TRIQK: variants seen among roughly 807,000 people sequenced by gnomAD.
TRIQK encodes the protein triple QxxK/R motif-containing protein.
TRIQK carries 10 observed loss-of-function variants against 10.8 expected under a neutral mutation model. That is an observed-to-expected ratio of 0.92 (90% confidence interval 0.57 to 1.57). The LOEUF (loss-of-function observed/expected upper bound fraction) is 1.57. Among genes scored for constraint, TRIQK ranks in the 40% most tolerant of loss-of-function variants. TRIQK has a pLI of 0.00. For synonymous variants in TRIQK, 33 were observed against 33.7 expected (o/e 0.98, Z 0.07); for missense variants, 107 against 97.7 (o/e 1.09, Z -0.40).
upstream of TRIQK, among the ~76,000 whole-genome samples, chr8:92,969,330 G>T (rs1385617070): frequency 6.6e-6 from 1 of 152,028 alleles, no homozygotes; most frequent in Non-Finnish European, 1.5e-5. Flanking sequence ...GTATTTGAGA[G>T]TTGTCTAATA....
At chr8:92,922,523 C>T in intron 2 of TRIQK, 1 of 151,764 alleles carries the variant, frequency 6.6e-6, no homozygotes, top group South Asian at 2.1e-4. Flanking sequence ...TTATGCTTCC[C>T]CCAATTCCTT....
chr8:92,927,119 T>C (rs1471275292), intron 2 of TRIQK, among the ~76,000 whole-genome samples: 1 of 152,076 alleles, frequency 6.6e-6, no homozygotes, highest in African/African-American at 2.4e-5. Context: ...AAAAAAATTG[T>C]AACCTATTAC....
chr8:93,016,442 C>T (rs757563837), intron 1 of TRIQK, among the ~76,000 whole-genome samples: 3 of 152,152 alleles, frequency 2.0e-5, no homozygotes, highest in Non-Finnish European at 4.4e-5. Flanking sequence ...GTTTTCTAAT[C>T]TAGTCTTGGA....
intron 1 of TRIQK, among the ~76,000 whole-genome samples, chr8:93,010,124 G>A (rs1297715787): frequency 6.6e-6 from 1 of 152,224 alleles, no homozygotes; most frequent in South Asian, 2.1e-4. Context: ...TAGGAGGGAT[G>A]GGGAATGAGG....
At chr8:93,004,501 T>A (rs780836470) in intron 1 of TRIQK, among the ~76,000 whole-genome samples, 1 of 152,232 alleles carries the variant, frequency 6.6e-6, no homozygotes, top group Non-Finnish European at 1.5e-5. Context: ...TCTTCTCCAT[T>A]GTCTTGGCTA....
rs111754734 is a variant in TRIQK, at chr8:92,947,246, T to TTATA, written c.-22+7156_-22+7159dup. Reference sequence around the variant, plus strand: ...CTTCCTATGCCTCTCTCAACAGTGTTTATATATATATATATACACTCAAGT... The same window carrying TTATA: ...CTTCCTATGCCTCTCTCAACAGTGTTTATATATATATATATATATACACTCAAGT... On this transcript the variant is annotated intron_variant, in intron 2 of 4. Coordinates refer to ENST00000521988, the MANE Select transcript of TRIQK (RefSeq NM_001171797.2). Among the ~76,000 whole-genome samples, 282 of 149,328 alleles carry TTATA rather than the reference T, an allele frequency of 1.9e-3. 2 individuals are homozygous for TTATA. The highest frequency in any genetic ancestry group is 0.012 in the East Asian group (63 of 5,068).
At chr8:92,906,691 G>C (rs1307247843) in intron 3 of TRIQK, among the ~76,000 whole-genome samples, 1 of 140,882 alleles carries the variant, frequency 7.1e-6, no homozygotes, top group East Asian at 2.1e-4. Flanking sequence ...ATAAAGGGAA[G>C]ACTGCTAACA....
chr8:92,985,361 A>T (rs901566897), intron 1 of TRIQK, among the ~76,000 whole-genome samples: 3 of 152,184 alleles, frequency 2.0e-5, no homozygotes, highest in African/African-American at 7.2e-5. Flanking sequence ...TCCTTTCCTC[A>T]TGAATTCCAT....
intron 1 of TRIQK, chr8:92,963,679 A>C (rs1342030955): frequency 6.6e-6 from 1 of 152,080 alleles, no homozygotes; most frequent in African/African-American, 2.4e-5. Flanking sequence ...GGATCACCTG[A>C]GGTTGGGAGT....
rs1447399702 is a variant in TRIQK at position 92,898,350 on chromosome 8, G to A, written c.62-6276C>T. ...TACGCTAACGTTTTCCGTAACTACT[G>A]TAGTTGAAAGGCTAAAGAAAAGAAA... On this transcript the variant is annotated intron_variant, in intron 3 of 4. Coordinates refer to ENST00000521988, the MANE Select transcript of TRIQK (RefSeq NM_001171797.2). Among the ~76,000 whole-genome samples, 3 of 152,082 alleles carry A rather than the reference G, an allele frequency of 2.0e-5. No individual in the cohort carries two copies. The East Asian group carries it at 5.8e-4, about 29-fold the overall frequency.
At position 92,937,745 on chromosome 8, in the gene TRIQK, T is replaced by C. The variant is rs1019707671; in HGVS notation, c.-22+16661A>G. On this transcript the variant is annotated intron_variant, in intron 2 of 4. Coordinates refer to ENST00000521988, the MANE Select transcript of TRIQK (RefSeq NM_001171797.2). ...TTCATAATCTATCTTCAAATAATAT[T>C]ATACTACTCTACATATTATATAAGA... 3.3e-5 allele frequency among the ~76,000 whole-genome samples: 5 copies of C among 151,870 alleles called. No individual in the cohort carries two copies. In the East Asian group the frequency reaches 9.6e-4, roughly 29 times the overall value.
chr8:92,929,039 G>A (rs1291380921), intron 2 of TRIQK, among the ~76,000 whole-genome samples: 1 of 152,194 alleles, frequency 6.6e-6, no homozygotes, highest in Non-Finnish European at 1.5e-5. Context: ...GAACAGCTTG[G>A]ATGGGGGCAA....
chr8:92,917,464 C>T (rs1228828899), intron 2 of TRIQK, among the ~76,000 whole-genome samples: 3 of 151,988 alleles, frequency 2.0e-5, no homozygotes, highest in South Asian at 2.1e-4. Flanking sequence ...AAAAGCATAA[C>T]ATATACATAC....
intron 1 of TRIQK, among the ~76,000 whole-genome samples, chr8:93,001,585 A>G (rs1813211742): frequency 1.3e-5 from 2 of 152,216 alleles, no homozygotes; most frequent in Admixed American, 6.5e-5. Flanking sequence ...GCAAAATCAT[A>G]TAACAGTTAT....
intron 2 of TRIQK, among the ~76,000 whole-genome samples, chr8:92,922,910 C>T (rs1193381781): frequency 6.6e-6 from 1 of 151,688 alleles, no homozygotes; most frequent in African/African-American, 2.4e-5. Flanking sequence ...TAAACTTTCT[C>T]ATTGTCTTTG....
At chr8:92,912,406 T>C (rs1225868857) in intron 3 of TRIQK, among the ~76,000 whole-genome samples, 14 of 151,720 alleles carry the variant, frequency 9.2e-5, no homozygotes, top group Admixed American at 9.2e-4. Context: ...ACAAAATTAA[T>C]GGGATACAGC....
intron 1 of TRIQK, among the ~76,000 whole-genome samples, chr8:92,984,455 A>G (rs939132920): frequency 7.9e-5 from 12 of 152,136 alleles, no homozygotes; most frequent in Non-Finnish European, 1.8e-4. Context: ...AGGGATCTGA[A>G]AAGTGTGAGT....
intron 2 of TRIQK, among the ~76,000 whole-genome samples, chr8:92,952,992 T>C (rs73309457): frequency 0.1 from 15,551 of 152,044 alleles, 1,864 homozygotes; most frequent in African/African-American, 0.29. Flanking sequence ...TGTTAAGACA[T>C]TGAAATTTGG....
chr8:92,988,368 C>T (rs999272739), intron 1 of TRIQK, among the ~76,000 whole-genome samples: 3 of 151,728 alleles, frequency 2.0e-5, no homozygotes, highest in East Asian at 1.9e-4. Context: ...TATTTATTGT[C>T]GAAAAAGGAT....
Sources: gnomAD v4.1 joint callset for allele counts (sites outside exome capture counted in the v4.1 genomes callset) on GRCh38, gnomAD v4.1.1 for gene constraint, MANE v1.5 for transcripts, NCBI Gene and HGNC (gene_info 2026-07-23, HGNC 2026-07-21) for gene names.